CATSPERE: variants seen among roughly 807,000 people sequenced by gnomAD.
CATSPERE encodes the protein cation channel sperm-associated auxiliary subunit epsilon.
In CATSPERE, 93 loss-of-function variants were observed where a neutral mutation model predicts 114.1. That is an observed-to-expected ratio of 0.81 (90% CI 0.69 to 0.97). The LOEUF (loss-of-function observed/expected upper bound fraction) is 0.97. CATSPERE is among the 50% of genes least tolerant of loss of function. The pLI is 0.00. For synonymous variants in CATSPERE, 341 were observed against 384.1 expected, an observed-to-expected ratio of 0.89 and a Z score of 1.31; for missense variants, 1,058 against 1,131.6, an observed-to-expected ratio of 0.93 and a Z score of 0.93.
chr1:244,581,114 A>G (rs781777382), intron 11 of CATSPERE, among the ~76,000 whole-genome samples: 2 of 151,782 alleles, frequency 1.3e-5, no homozygotes. Flanking sequence ...TGAACTTCAT[A>G]TGAAGGGAAT....
At chr1:244,501,643 T>G (rs1427789096) in intron 7 of CATSPERE, among the ~76,000 whole-genome samples, 1 of 152,108 alleles carries the variant, frequency 6.6e-6, no homozygotes, top group Non-Finnish European at 1.5e-5. Flanking sequence ...ATTAAACACT[T>G]TAAGTATGAT....
intron 8 of CATSPERE, among the ~76,000 whole-genome samples, chr1:244,544,933 G>A (rs983447922): frequency 6.6e-5 from 10 of 152,050 alleles, no homozygotes; most frequent in Non-Finnish European, 1.5e-4. Context: ...ACCTTCCATG[G>A]GCAAGGCCAG....
At chr1:244,614,061 G>A (rs1671072359) in intron 19 of CATSPERE, among the ~76,000 whole-genome samples, 1 of 152,164 alleles carries the variant, frequency 6.6e-6, no homozygotes, top group Admixed American at 6.5e-5. Context: ...CCAGGAAGAT[G>A]GCCCTCACCA....
chr1:244,502,085 C>CTT (rs950787779), intron 7 of CATSPERE, among the ~76,000 whole-genome samples: 2 of 148,732 alleles, frequency 1.3e-5, no homozygotes, highest in African/African-American at 4.9e-5. Flanking sequence ...CGAATCAGGG[C>CTT]TTTTTTTTTT....
chr1:244,577,725 C>T (rs1483629822), intron 11 of CATSPERE, among the ~76,000 whole-genome samples: 1 of 152,212 alleles, frequency 6.6e-6, no homozygotes, highest in Admixed American at 6.5e-5. Context: ...CCAATACTAT[C>T]ATGTTGGTGA....
intron 17 of CATSPERE, among the ~76,000 whole-genome samples, chr1:244,602,241 G>A (rs1572957224): frequency 6.6e-6 from 1 of 152,144 alleles, no homozygotes; most frequent in South Asian, 2.1e-4. Flanking sequence ...GAATACTAGA[G>A]GTCAACGACA....
intron 20 of CATSPERE, among the ~76,000 whole-genome samples, chr1:244,624,961 T>C (rs1165691362): frequency 6.6e-6 from 1 of 152,144 alleles, no homozygotes; most frequent in Non-Finnish European, 1.5e-5. Flanking sequence ...GTGCAGTGAT[T>C]TCCCCCACTG....
intron 2 of CATSPERE, among the ~76,000 whole-genome samples, chr1:244,471,592 T>C (rs1475538379): frequency 6.6e-6 from 1 of 152,240 alleles, no homozygotes; most frequent in African/African-American, 2.4e-5. Flanking sequence ...CCTGATCCTA[T>C]AGTTTTGCAT....
At chr1:244,519,674 T>C (rs1258022189) in intron 8 of CATSPERE, among the ~76,000 whole-genome samples, 3 of 152,160 alleles carry the variant, frequency 2.0e-5, no homozygotes, top group Non-Finnish European at 4.4e-5. Flanking sequence ...AGCCCTGAGC[T>C]GCCAAAATGG....
intron 5 of CATSPERE, among the ~76,000 whole-genome samples, chr1:244,482,360 A>G (rs1670394179): frequency 6.6e-6 from 1 of 151,930 alleles, no homozygotes; most frequent in African/African-American, 2.4e-5. Context: ...CCAACGACTT[A>G]GGAGGCTGAG....
At chr1:244,523,576 A>G (rs1227438522) in intron 8 of CATSPERE, among the ~76,000 whole-genome samples, 16 of 141,994 alleles carry the variant, frequency 1.1e-4, no homozygotes, top group African/African-American at 4.3e-4. Context: ...ATGATTGTAT[A>G]TCTAGAAAAC....
intron 20 of CATSPERE, among the ~76,000 whole-genome samples, chr1:244,622,917 A>G (rs994997807): frequency 1.3e-5 from 2 of 152,046 alleles, no homozygotes. Flanking sequence ...TAACATTTAC[A>G]CCCAAGCAGC....
chr1:244,562,414 A>G (rs952987419), intron 10 of CATSPERE, among the ~76,000 whole-genome samples: 1 of 152,146 alleles, frequency 6.6e-6, no homozygotes, highest in Non-Finnish European at 1.5e-5. Flanking sequence ...ATATGTACAC[A>G]CACTGATACA....
At chr1:244,625,648 C>T (rs1673093055) in intron 20 of CATSPERE, among the ~76,000 whole-genome samples, 1 of 150,090 alleles carries the variant, frequency 6.7e-6, no homozygotes, top group South Asian at 2.1e-4. Flanking sequence ...AGGATGGTCT[C>T]GATCTCTTGA....
At chr1:244,578,548 T>G (rs1276673439) in intron 11 of CATSPERE, among the ~76,000 whole-genome samples, 1 of 151,958 alleles carries the variant, frequency 6.6e-6, no homozygotes, top group African/African-American at 2.4e-5. Flanking sequence ...ATTTTATATG[T>G]ATTATATGCT....
chr1:244,475,729 G>A (rs1669235401), intron 2 of CATSPERE, among the ~76,000 whole-genome samples: 3 of 151,168 alleles, frequency 2.0e-5, no homozygotes, highest in South Asian at 4.2e-4. Flanking sequence ...TAGAGATGGG[G>A]TTTCACCATG....
intron 19 of CATSPERE, among the ~76,000 whole-genome samples, chr1:244,616,930 A>G (rs567465159): frequency 2.0e-4 from 30 of 152,248 alleles, no homozygotes; most frequent in Non-Finnish European, 3.8e-4. Context: ...GTGAAAACAT[A>G]CAGGATCTAA....
At chr1:244,485,869 T>A (rs1307667355) in intron 5 of CATSPERE, among the ~76,000 whole-genome samples, 1 of 151,942 alleles carries the variant, frequency 6.6e-6, no homozygotes, top group African/African-American at 2.4e-5. Flanking sequence ...ATCTTTTTTT[T>A]TTTTCTTGTA....
At chr1:244,510,842 T>C (rs1384321418) in intron 7 of CATSPERE, among the ~76,000 whole-genome samples, 15 of 130,144 alleles carry the variant, frequency 1.2e-4, no homozygotes, top group East Asian at 4.1e-4. Context: ...TTTCTTTTTT[T>C]TTTTTTTTTT....
Sources: gnomAD v4.1 joint callset for allele counts (sites outside exome capture counted in the v4.1 genomes callset) on GRCh38, gnomAD v4.1.1 for gene constraint, MANE v1.5 for transcripts, NCBI Gene and HGNC (gene_info 2026-07-23, HGNC 2026-07-21) for gene names.